Variants in ARHGAP42 observed in about 807,000 individuals in gnomAD.
The protein encoded by ARHGAP42 is Rho GTPase activating protein 42.
A neutral mutation model predicts 125.0 loss-of-function variants in ARHGAP42; 63 were observed. The ratio of observed to expected loss-of-function variants is 0.50; its 90% CI spans 0.41 to 0.62. The LOEUF is 0.62. ARHGAP42 is among the 20% of genes least tolerant of loss of function. The pLI, the probability that ARHGAP42 is intolerant of heterozygous loss-of-function variation, is 0.00. For missense variants in ARHGAP42, 766 were observed against 1,024.2 expected (o/e 0.75, Z 3.44); for synonymous variants, 339 against 351.0 (o/e 0.97, Z 0.38).
At chr11:100,980,000 T>TGGGC (rs908042029) in intron 22 of ARHGAP42, among the ~76,000 whole-genome samples, 2 of 152,210 alleles carry the variant, frequency 1.3e-5, no homozygotes, top group African/African-American at 4.8e-5. Flanking sequence ...TAGACAGTAC[T>TGGGC]GGGCATGTGA....
At chr11:100,772,543 A>G (rs903700624) in intron 2 of ARHGAP42, among the ~76,000 whole-genome samples, 4 of 151,638 alleles carry the variant, frequency 2.6e-5, no homozygotes, top group Non-Finnish European at 4.4e-5. Flanking sequence ...GTATAGTTAA[A>G]GTGCCTCCAG....
chr11:100,788,035 T>C (rs1368079394), intron 2 of ARHGAP42, among the ~76,000 whole-genome samples: 1 of 152,202 alleles, frequency 6.6e-6, no homozygotes, highest in African/African-American at 2.4e-5. Flanking sequence ...TTATTATCAT[T>C]TTCTTTTGTG....
intron 1 of ARHGAP42, among the ~76,000 whole-genome samples, chr11:100,703,046 A>C (rs1005936070): frequency 6.6e-6 from 1 of 152,232 alleles, no homozygotes; most frequent in Non-Finnish European, 1.5e-5. Context: ...CATTTTACTA[A>C]GAGCATGAGA....
At chr11:100,884,684 C>T (rs930753991) in intron 4 of ARHGAP42, among the ~76,000 whole-genome samples, 2 of 152,148 alleles carry the variant, frequency 1.3e-5, no homozygotes, top group African/African-American at 4.8e-5. Flanking sequence ...CGTGTCCCCC[C>T]AACCCCGTCC....
At chr11:100,920,802 C>T (rs1867218295) in intron 5 of ARHGAP42, among the ~76,000 whole-genome samples, 1 of 152,008 alleles carries the variant, frequency 6.6e-6, no homozygotes, top group South Asian at 2.1e-4. Flanking sequence ...AGTTTAGAGC[C>T]ATTGAATTTT....
intron 5 of ARHGAP42, among the ~76,000 whole-genome samples, chr11:100,919,946 T>A (rs1867188416): frequency 1.3e-5 from 2 of 152,214 alleles, no homozygotes; most frequent in Admixed American, 1.3e-4. Flanking sequence ...ATCAGGCTTT[T>A]CTCCCAAGAC....
chr11:100,809,544 A>G (rs1864087134), intron 3 of ARHGAP42, among the ~76,000 whole-genome samples: 1 of 152,248 alleles, frequency 6.6e-6, no homozygotes, highest in Non-Finnish European at 1.5e-5. Context: ...GAAACATGTT[A>G]ATTCACTCAA....
At chr11:100,711,383 A>C (rs181439611) in intron 1 of ARHGAP42, among the ~76,000 whole-genome samples, 122 of 152,144 alleles carry the variant, frequency 8.0e-4, no homozygotes, top group African/African-American at 2.7e-3. Context: ...TTTTGAGACA[A>C]GGTCTCTGTC....
At chr11:100,786,518 C>G (rs987708724) in intron 2 of ARHGAP42, among the ~76,000 whole-genome samples, 2 of 152,062 alleles carry the variant, frequency 1.3e-5, no homozygotes, top group Non-Finnish European at 2.9e-5. Flanking sequence ...TATACACTTA[C>G]CATATATATA....
chr11:100,851,299 G>A (rs942701913), intron 3 of ARHGAP42, among the ~76,000 whole-genome samples: 6 of 152,148 alleles, frequency 3.9e-5, no homozygotes, highest in Non-Finnish European at 8.8e-5. Context: ...AAGAGCAACA[G>A]CATTCATGGT....
intron 3 of ARHGAP42, among the ~76,000 whole-genome samples, chr11:100,814,425 T>C (rs1006633650): frequency 6.6e-6 from 1 of 151,986 alleles, no homozygotes; most frequent in Non-Finnish European, 1.5e-5. Flanking sequence ...CTAACAGGCT[T>C]TGAAATCTAA....
chr11:100,922,547 T>C (rs960707164), intron 6 of ARHGAP42, among the ~76,000 whole-genome samples: 1 of 152,160 alleles, frequency 6.6e-6, no homozygotes, highest in African/African-American at 2.4e-5. Flanking sequence ...GTGTAAGTAA[T>C]CAAATATCTA....
In ARHGAP42 at chr11:100,809,848, G is replaced by A. The variant is rs889141107; in HGVS notation, c.312+14682G>A. Among the ~76,000 whole-genome samples the A allele has an allele frequency of 2.5e-4, 38 of 152,144 alleles. No homozygotes were observed. The South Asian group carries it at 3.5e-3, about 14-fold the overall frequency. ...CACAGCTACTTGGGAGGCTGAGGTGGGAAGATCACTTGAGCCCAGGAGGCG... is the reference window on the plus strand; with the variant it reads ...CACAGCTACTTGGGAGGCTGAGGTGAGAAGATCACTTGAGCCCAGGAGGCG... On this transcript the variant is annotated intron_variant, in intron 3 of 23. Coordinates refer to ENST00000298815, the MANE Select transcript of ARHGAP42 (RefSeq NM_152432.4).
At chr11:100,899,804 T>C (rs551894739) in intron 4 of ARHGAP42, among the ~76,000 whole-genome samples, 2 of 151,648 alleles carry the variant, frequency 1.3e-5, no homozygotes, top group African/African-American at 2.4e-5. Flanking sequence ...TGTATGTCTT[T>C]ACATGTGGGA....
Position 100,992,074 on chromosome 11 carries a change from T to C in ARHGAP42, c.*3273T>C. The C allele has an allele frequency of 2.0e-6, 1 of 499,216 alleles. No homozygotes were observed. The highest frequency in any genetic ancestry group is 3.8e-5 in the Admixed American group (1 of 26,574). 30.9% of individuals were successfully genotyped at this position (499,216 alleles called of 1,614,324 possible). On this transcript the variant is annotated 3_prime_UTR_variant, in exon 24 of 24. Transcript: ENST00000298815. The stretch of plus-strand genomic sequence containing the variant: ...CTCACTCCTAGCACCGTTCTTCTGG[T>C]CTGTGTTGAAAAGGGTATCATTCAT...
chr11:100,933,054 G>C (rs1304166776), intron 6 of ARHGAP42, 102 bp from the exon 7 acceptor site: 2 of 782,302 alleles, frequency 2.6e-6, no homozygotes, highest in Non-Finnish European at 3.9e-6. Flanking sequence ...AAATGTATTA[G>C]TTTGAGGAAT....
At chr11:100,918,814 G>A (rs1020252077) in intron 5 of ARHGAP42, among the ~76,000 whole-genome samples, 2 of 152,184 alleles carry the variant, frequency 1.3e-5, no homozygotes, top group African/African-American at 2.4e-5. Flanking sequence ...GTGGCAAGCA[G>A]CAAGAGTCAT....
intron 3 of ARHGAP42, among the ~76,000 whole-genome samples, chr11:100,852,716 T>C (rs948586254): frequency 6.6e-6 from 1 of 152,174 alleles, no homozygotes; most frequent in Admixed American, 6.6e-5. Flanking sequence ...TGTATTTTCA[T>C]GAACATGAGG....
At chr11:100,724,963 A>C (rs1309908137) in intron 1 of ARHGAP42, among the ~76,000 whole-genome samples, 1 of 151,936 alleles carries the variant, frequency 6.6e-6, no homozygotes, top group Non-Finnish European at 1.5e-5. Context: ...TTTATTGCTA[A>C]ATAGTTCCCT....
Sources: gnomAD v4.1 joint callset for allele counts (sites outside exome capture counted in the v4.1 genomes callset) on GRCh38, gnomAD v4.1.1 for gene constraint, MANE v1.5 for transcripts, NCBI Gene and HGNC (gene_info 2026-07-23, HGNC 2026-07-21) for gene names.